Variants in GRIK2 observed in about 807,000 individuals in gnomAD.
GRIK2 encodes the protein glutamate ionotropic receptor kainate type subunit 2, also known as glutamate receptor ionotropic, kainate 2.
A neutral mutation model predicts 100.3 loss-of-function variants in GRIK2; 32 were observed. The observed-to-expected ratio is 0.32, with a 90% CI of 0.24 to 0.43. The LOEUF is 0.43. Among genes scored for constraint, GRIK2 ranks in the 20% least tolerant of loss-of-function variants. The pLI, the probability that GRIK2 is intolerant of heterozygous loss-of-function variation, is 1.00. For synonymous variants in GRIK2, 417 were observed against 389.4 expected (o/e 1.07, Z -0.83); for missense variants, 843 against 1,114.9 (o/e 0.76, Z 3.47).
chr6:101,820,594 C>T (rs1033219561), intron 10 of GRIK2, among the ~76,000 whole-genome samples: 1 of 152,092 alleles, frequency 6.6e-6, no homozygotes, highest in Non-Finnish European at 1.5e-5. Context: ...TACAGGCGCG[C>T]TACCACTCCT....
chr6:101,984,239 C>T (rs1258174271), intron 14 of GRIK2, among the ~76,000 whole-genome samples: 2 of 151,550 alleles, frequency 1.3e-5, no homozygotes, highest in Non-Finnish European at 3.0e-5. Flanking sequence ...AGCTTTGGCC[C>T]ATGTTCAATT....
At chr6:101,514,749 T>C (rs1774497187) in intron 2 of GRIK2, among the ~76,000 whole-genome samples, 1 of 152,146 alleles carries the variant, frequency 6.6e-6, no homozygotes. Flanking sequence ...AAAGTGATGA[T>C]AACATGTCTC....
intron 2 of GRIK2, among the ~76,000 whole-genome samples, chr6:101,496,343 T>C (rs1424892092): frequency 6.6e-6 from 1 of 152,184 alleles, no homozygotes; most frequent in East Asian, 1.9e-4. Context: ...AGCAGTGATG[T>C]GACATAATGG....
intron 1 of GRIK2, among the ~76,000 whole-genome samples, chr6:101,395,780 A>AT (rs151155405): frequency 0.032 from 4,916 of 152,032 alleles, 89 homozygotes; most frequent in Non-Finnish European, 0.046. Context: ...GCCTTCTATG[A>AT]TTTTTTTGAG....
intron 15 of GRIK2, among the ~76,000 whole-genome samples, chr6:102,052,114 T>C (rs898149238): frequency 2.0e-5 from 3 of 152,212 alleles, no homozygotes; most frequent in African/African-American, 4.8e-5. Context: ...CCTTGAGATT[T>C]TTCATCTAGC....
At chr6:101,689,626 G>T (rs1771948313) in intron 7 of GRIK2, among the ~76,000 whole-genome samples, 1 of 152,022 alleles carries the variant, frequency 6.6e-6, no homozygotes, top group Non-Finnish European at 1.5e-5. Context: ...GTTTCACTTG[G>T]TATAAACCCA....
chr6:101,831,470 A>G (rs1562422790), intron 10 of GRIK2, among the ~76,000 whole-genome samples: 1 of 152,162 alleles, frequency 6.6e-6, no homozygotes, highest in Non-Finnish European at 1.5e-5. Context: ...GGCAGAATTC[A>G]GGCTTGAAGA....
chr6:101,898,349 A>T (rs1787614199), intron 12 of GRIK2, among the ~76,000 whole-genome samples: 1 of 151,950 alleles, frequency 6.6e-6, no homozygotes, highest in Non-Finnish European at 1.5e-5. Flanking sequence ...TATCATGTTA[A>T]CTTTACCTTC....
intron 2 of GRIK2, among the ~76,000 whole-genome samples, chr6:101,586,055 T>A (rs1461745372): frequency 6.6e-6 from 1 of 152,026 alleles, no homozygotes; most frequent in East Asian, 1.9e-4. Flanking sequence ...AACAATGCAA[T>A]GCTGGGTTTT....
intron 2 of GRIK2, among the ~76,000 whole-genome samples, chr6:101,621,560 T>TTA (rs1780160822): frequency 6.6e-6 from 1 of 152,164 alleles, no homozygotes; most frequent in Non-Finnish European, 1.5e-5. Flanking sequence ...AGAGGATTGA[T>TTA]TATTCTGGAA....
chr6:101,682,052 T>C (rs574896875), intron 5 of GRIK2, among the ~76,000 whole-genome samples: 1 of 152,352 alleles, frequency 6.6e-6, no homozygotes, highest in Non-Finnish European at 1.5e-5. Flanking sequence ...TTTAATTATA[T>C]GTAATTTTTA....
chr6:102,006,166 A>G (rs1048979211), intron 14 of GRIK2, among the ~76,000 whole-genome samples: 2 of 151,048 alleles, frequency 1.3e-5, no homozygotes, highest in African/African-American at 4.9e-5. Flanking sequence ...TGCTCAGTAA[A>G]TATTTTTCAT....
intron 2 of GRIK2, among the ~76,000 whole-genome samples, chr6:101,410,795 TA>T (rs1417381078): frequency 6.6e-6 from 1 of 152,044 alleles, no homozygotes; most frequent in East Asian, 1.9e-4. Flanking sequence ...AAGTCAAAGT[TA>T]AAAAAATGTA....
At chr6:101,640,788 T>G (rs1781245107) in intron 4 of GRIK2, among the ~76,000 whole-genome samples, 1 of 152,126 alleles carries the variant, frequency 6.6e-6, no homozygotes, top group South Asian at 2.1e-4. Context: ...GCCATTAGTT[T>G]AGTAACTCCA....
chr6:101,847,333 C>CT (rs374921083), intron 10 of GRIK2, among the ~76,000 whole-genome samples: 10 of 151,838 alleles, frequency 6.6e-5, no homozygotes, highest in Admixed American at 1.3e-4. Flanking sequence ...GTATTTTTCA[C>CT]TTTTTTTTGG....
chr6:101,929,716 T>C (rs930587832), intron 14 of GRIK2, among the ~76,000 whole-genome samples: 2 of 152,122 alleles, frequency 1.3e-5, no homozygotes, highest in African/African-American at 4.8e-5. Flanking sequence ...TTTTATAAAA[T>C]TAACTTTAAA....
Position 101,760,623 on chromosome 6 carries a change from T to TTTAATTATAG in GRIK2, c.952-39025_952-39024insTTAATTATAG, listed in dbSNP as rs1777536610. Among the ~76,000 whole-genome samples, 11 of 116,076 alleles carry TTTAATTATAG rather than the reference T, an allele frequency of 9.5e-5. 1 individual carries two copies. Among genetic ancestry groups the TTTAATTATAG allele is most frequent in the African/African-American group, 2.3e-4 (7 of 30,428 alleles). 76.2% of individuals were successfully genotyped at this position (116,076 alleles called of 152,430 possible). On this transcript the variant is annotated intron_variant, in intron 7 of 16. Transcript: ENST00000369134. ...TTATATATAATTATATTTAATTATATGTTTAATTATATATAATTATATATA... is the reference window on the plus strand; with the variant it reads ...TTATATATAATTATATTTAATTATATTTAATTATAGGTTTAATTATATATAATTATATATA...
intron 4 of GRIK2, among the ~76,000 whole-genome samples, chr6:101,644,946 A>G (rs1781448096): frequency 6.6e-6 from 1 of 151,812 alleles, no homozygotes; most frequent in Admixed American, 6.6e-5. Context: ...TCTCCATGCT[A>G]TAGTAATGAT....
At chr6:101,578,289 G>A (rs543314592) in intron 2 of GRIK2, among the ~76,000 whole-genome samples, 1 of 152,104 alleles carries the variant, frequency 6.6e-6, no homozygotes. Flanking sequence ...TATTACTGAA[G>A]GGATCCCAGG....
Sources: allele counts gnomAD v4.1 joint callset (sites outside exome capture counted in the v4.1 genomes callset), GRCh38; gene constraint gnomAD v4.1.1; transcripts MANE v1.5; gene names NCBI Gene and HGNC (gene_info 2026-07-23, HGNC 2026-07-21).